Variants in PCCA observed in about 807,000 individuals in gnomAD.
PCCA encodes propionyl-CoA carboxylase subunit alpha.
A neutral mutation model predicts 101.3 loss-of-function variants in PCCA; 74 were observed. The observed-to-expected ratio is 0.73, with a 90% CI of 0.61 to 0.89. The LOEUF (loss-of-function observed/expected upper bound fraction) is 0.89, where lower values mean the gene tolerates loss of function less well. Among genes scored for constraint, PCCA ranks in the 40% least tolerant of loss-of-function variants. The pLI is 0.00. For missense variants in PCCA, 891 were observed against 907.0 expected, an observed-to-expected ratio of 0.98 and a Z score of 0.23; for synonymous variants, 294 against 313.6, an observed-to-expected ratio of 0.94 and a Z score of 0.66.
At chr13:100,223,728 A>T (rs1290712644) in intron 7 of PCCA, among the ~76,000 whole-genome samples, 1 of 152,026 alleles carries the variant, frequency 6.6e-6, no homozygotes, top group Non-Finnish European at 1.5e-5. Flanking sequence ...GTCTGTTTTG[A>T]CAGGGCACTG....
intron 6 of PCCA, among the ~76,000 whole-genome samples, chr13:100,190,786 A>G (rs1469028663): frequency 1.3e-5 from 2 of 151,216 alleles, no homozygotes; most frequent in African/African-American, 2.4e-5. Flanking sequence ...AAATAAGGAG[A>G]CCCCATCACT....
intron 18 of PCCA, among the ~76,000 whole-genome samples, chr13:100,343,190 C>T (rs770950830): frequency 5.9e-5 from 9 of 151,972 alleles, no homozygotes; most frequent in Non-Finnish European, 8.8e-5. Flanking sequence ...AGTGTGACTC[C>T]GTCTCAAACA....
chr13:100,252,106 G>A (rs1374794930), intron 8 of PCCA, among the ~76,000 whole-genome samples: 1 of 152,166 alleles, frequency 6.6e-6, no homozygotes, highest in East Asian at 1.9e-4. Flanking sequence ...ACTTTCATCT[G>A]GGGATTTCCT....
intron 19 of PCCA, among the ~76,000 whole-genome samples, chr13:100,421,043 C>T (rs983545746): frequency 3.3e-5 from 5 of 152,134 alleles, no homozygotes; most frequent in Non-Finnish European, 7.3e-5. Context: ...ACCGTCTCTA[C>T]TAACAATGCA....
At chr13:100,415,994 T>C (rs1401445413) in intron 19 of PCCA, among the ~76,000 whole-genome samples, 2 of 152,156 alleles carry the variant, frequency 1.3e-5, no homozygotes, top group East Asian at 3.9e-4. Context: ...GTCAAATTAA[T>C]TTAGGGTGTG....
At chr13:100,279,058 T>C (rs1387218935) in intron 12 of PCCA, among the ~76,000 whole-genome samples, 1 of 152,126 alleles carries the variant, frequency 6.6e-6, no homozygotes, top group African/African-American at 2.4e-5. Context: ...TCACCGGTGG[T>C]CTGGGCCCCA....
chr13:100,200,128 A>C (rs1386968812), intron 6 of PCCA, among the ~76,000 whole-genome samples: 2 of 151,910 alleles, frequency 1.3e-5, no homozygotes, highest in South Asian at 2.1e-4. Context: ...TTTTTGAGAC[A>C]GAGTCTCACT....
At chr13:100,330,063 C>T (rs1365324566) in intron 16 of PCCA, among the ~76,000 whole-genome samples, 8 of 152,136 alleles carry the variant, frequency 5.3e-5, no homozygotes, top group Non-Finnish European at 1.2e-4. Flanking sequence ...GACCTCTCGC[C>T]AACCAACCAC....
At chr13:100,246,319 T>C (rs1265235774) in intron 8 of PCCA, among the ~76,000 whole-genome samples, 1 of 152,216 alleles carries the variant, frequency 6.6e-6, no homozygotes, top group Non-Finnish European at 1.5e-5. Context: ...TTTAATTCTT[T>C]AATTTTTTGA....
intron 6 of PCCA, among the ~76,000 whole-genome samples, chr13:100,184,456 G>A (rs1160729014): frequency 6.6e-6 from 1 of 152,170 alleles, no homozygotes. Flanking sequence ...GGCTTCTAAG[G>A]TGTCTCCGTA....
At chr13:100,438,845 C>A (rs1474193520) in intron 20 of PCCA, among the ~76,000 whole-genome samples, 1 of 152,032 alleles carries the variant, frequency 6.6e-6, no homozygotes, top group Non-Finnish European at 1.5e-5. Context: ...CAGAATAATA[C>A]CCCAAATGTT....
chr13:100,298,481 A>T (rs1264040381), intron 12 of PCCA, among the ~76,000 whole-genome samples: 1 of 152,170 alleles, frequency 6.6e-6, no homozygotes, highest in African/African-American at 2.4e-5. Flanking sequence ...TTCTGTAGTT[A>T]CATTTTTCTT....
At chr13:100,101,396 T>C (rs150032707) in intron 1 of PCCA, among the ~76,000 whole-genome samples, 36 of 152,288 alleles carry the variant, frequency 2.4e-4, no homozygotes, top group African/African-American at 8.7e-4. Context: ...TTGGGGATAA[T>C]ACTCTTGTAA....
At chr13:100,271,122 C>T (rs780104540) in intron 11 of PCCA, among the ~76,000 whole-genome samples, 9 of 152,000 alleles carry the variant, frequency 5.9e-5, no homozygotes, top group Non-Finnish European at 1.3e-4. Flanking sequence ...TTGAAAAGGG[C>T]AAGGGCAAGA....
intron 18 of PCCA, among the ~76,000 whole-genome samples, chr13:100,356,119 A>G (rs1466631425): frequency 6.6e-6 from 1 of 152,162 alleles, no homozygotes; most frequent in Non-Finnish European, 1.5e-5. Flanking sequence ...AATGAACTTT[A>G]AGAATCATAG....
chr13:100,341,045 G>C (rs1465661953), intron 18 of PCCA, among the ~76,000 whole-genome samples: 1 of 152,208 alleles, frequency 6.6e-6, no homozygotes, highest in Non-Finnish European at 1.5e-5. Context: ...GATTTAGGCT[G>C]TATCTTAGTG....
At chr13:100,416,426 C>A (rs2078366494) in intron 19 of PCCA, among the ~76,000 whole-genome samples, 1 of 152,136 alleles carries the variant, frequency 6.6e-6, no homozygotes, top group Admixed American at 6.5e-5. Context: ...AAGTACTCCG[C>A]CCGCCTCGGC....
chr13:100,116,262 A>T (rs2048788140), intron 4 of PCCA, among the ~76,000 whole-genome samples: 1 of 152,222 alleles, frequency 6.6e-6, no homozygotes, highest in Non-Finnish European at 1.5e-5. Flanking sequence ...TAGGCTTTGT[A>T]TGTTAATTTC....
chr13:100,447,929 A>C (rs767293318), intron 20 of PCCA, among the ~76,000 whole-genome samples: 4 of 152,220 alleles, frequency 2.6e-5, no homozygotes, highest in Non-Finnish European at 5.9e-5. Flanking sequence ...TTCTGTGATC[A>C]TAGAGATCAG....
Sources: gnomAD v4.1 joint callset for allele counts (sites outside exome capture counted in the v4.1 genomes callset) on GRCh38, gnomAD v4.1.1 for gene constraint, MANE v1.5 for transcripts, NCBI Gene and HGNC (gene_info 2026-07-23, HGNC 2026-07-21) for gene names.